Variants in DSCAM observed in about 807,000 individuals in gnomAD.
The protein encoded by DSCAM is DS cell adhesion molecule, also known as cell adhesion molecule DSCAM.
A neutral mutation model predicts 217.7 loss-of-function variants in DSCAM; 47 were observed. The ratio of observed to expected loss-of-function variants is 0.22; its 90% CI spans 0.17 to 0.28. The LOEUF (loss-of-function observed/expected upper bound fraction) is 0.28, where lower values mean the gene tolerates loss of function less well. Ranked by LOEUF, DSCAM falls within the 10% of genes least tolerant of loss-of-function variation. DSCAM has a pLI of 1.00. For synonymous variants in DSCAM, 1,056 were observed against 1,015.3 expected (o/e 1.04, Z -0.76); for missense variants, 2,080 against 2,618.3 (o/e 0.79, Z 4.49).
At chr21:40,156,293 G>C (rs1286079448) in intron 16 of DSCAM, among the ~76,000 whole-genome samples, 3 of 64,170 alleles carry the variant, frequency 4.7e-5, no homozygotes, top group Admixed American at 1.3e-4. Context: ...AAGACAGAGA[G>C]AGAGAGAGAG....
At chr21:40,826,005 C>G (rs376244191) in intron 1 of DSCAM, among the ~76,000 whole-genome samples, 3 of 152,348 alleles carry the variant, frequency 2.0e-5, no homozygotes, top group African/African-American at 7.2e-5. Flanking sequence ...CACCTGCAGC[C>G]TGTTAGTCAC....
intron 3 of DSCAM, among the ~76,000 whole-genome samples, chr21:40,623,347 C>A (rs1162316206): frequency 1.3e-5 from 2 of 152,058 alleles, no homozygotes; most frequent in East Asian, 3.9e-4. Flanking sequence ...GTGCAGTGAA[C>A]TTATTAAGCA....
At chr21:40,118,808 A>G (rs2090001625) in intron 20 of DSCAM, among the ~76,000 whole-genome samples, 1 of 152,208 alleles carries the variant, frequency 6.6e-6, no homozygotes, top group African/African-American at 2.4e-5. Flanking sequence ...TGCTGTGCAC[A>G]TCATTGCTGT....
intron 16 of DSCAM, among the ~76,000 whole-genome samples, chr21:40,155,342 G>T (rs1344574974): frequency 6.6e-6 from 1 of 152,208 alleles, no homozygotes; most frequent in Non-Finnish European, 1.5e-5. Flanking sequence ...GCAAAAGAGG[G>T]GGTATGCTAG....
chr21:40,560,001 G>T (rs555256529), intron 3 of DSCAM, among the ~76,000 whole-genome samples: 21 of 152,128 alleles, frequency 1.4e-4, no homozygotes, highest in Middle Eastern at 3.4e-3. Context: ...CACCGTGTTA[G>T]CCAGGATGGT....
chr21:40,231,975 T>G (rs770963941), intron 11 of DSCAM, among the ~76,000 whole-genome samples: 2 of 152,198 alleles, frequency 1.3e-5, no homozygotes, highest in African/African-American at 2.4e-5. Flanking sequence ...CCCTTGGCAT[T>G]TTAGGTGATT....
chr21:40,059,580 T>C (rs1245102907), intron 28 of DSCAM, among the ~76,000 whole-genome samples: 2 of 152,146 alleles, frequency 1.3e-5, no homozygotes, highest in Non-Finnish European at 2.9e-5. Context: ...CCTCAGCTAA[T>C]CTCCCTGAAA....
At chr21:40,587,549 T>C (rs1332315610) in intron 3 of DSCAM, among the ~76,000 whole-genome samples, 1 of 152,244 alleles carries the variant, frequency 6.6e-6, no homozygotes, top group Non-Finnish European at 1.5e-5. Flanking sequence ...TAAATCCTTC[T>C]CAAATTTTAA....
intron 3 of DSCAM, among the ~76,000 whole-genome samples, chr21:40,466,737 C>T (rs2075848513): frequency 6.6e-6 from 1 of 152,044 alleles, no homozygotes; most frequent in African/African-American, 2.4e-5. Context: ...GCCTTCACTT[C>T]ATTGAGGGTA....
chr21:40,179,462 G>C (rs767367221), intron 14 of DSCAM, among the ~76,000 whole-genome samples: 20 of 152,150 alleles, frequency 1.3e-4, no homozygotes, highest in Non-Finnish European at 2.8e-4. Context: ...GATGGCCACT[G>C]TAAGCACTCA....
intron 8 of DSCAM, among the ~76,000 whole-genome samples, chr21:40,314,424 C>T (rs936967745): frequency 3.9e-5 from 6 of 152,100 alleles, no homozygotes. Flanking sequence ...TGATCTGATG[C>T]TAAGAGATAA....
intron 3 of DSCAM, among the ~76,000 whole-genome samples, chr21:40,440,872 G>A (rs2075624000): frequency 6.6e-6 from 1 of 152,192 alleles, no homozygotes; most frequent in South Asian, 2.1e-4. Context: ...CTTACAGTGT[G>A]TATTAGCTAG....
At chr21:40,242,855 A>G (rs764262431) in intron 11 of DSCAM, among the ~76,000 whole-genome samples, 11 of 152,232 alleles carry the variant, frequency 7.2e-5, no homozygotes, top group Non-Finnish European at 1.5e-4. Context: ...AGAACCCTCT[A>G]TCCTCACTGG....
intron 1 of DSCAM, among the ~76,000 whole-genome samples, chr21:40,758,756 G>T (rs1282732380): frequency 6.6e-6 from 1 of 151,908 alleles, no homozygotes; most frequent in Non-Finnish European, 1.5e-5. Context: ...CTCCTAAAAG[G>T]GCCTCTAGCC....
intron 3 of DSCAM, among the ~76,000 whole-genome samples, chr21:40,500,120 A>G (rs2076159520): frequency 6.6e-6 from 1 of 152,184 alleles, no homozygotes; most frequent in Non-Finnish European, 1.5e-5. Context: ...CTTCAGCAGT[A>G]CTGGGAGGGA....
chr21:40,274,342 T>G (rs1246646572), intron 11 of DSCAM, among the ~76,000 whole-genome samples: 3 of 152,226 alleles, frequency 2.0e-5, no homozygotes, highest in African/African-American at 7.2e-5. Context: ...CTCTTCACCC[T>G]GCATTGTAAT....
At chr21:40,628,814 C>G (rs575269140) in intron 3 of DSCAM, among the ~76,000 whole-genome samples, 4 of 152,142 alleles carry the variant, frequency 2.6e-5, no homozygotes, top group African/African-American at 9.7e-5. Context: ...GTGGTGCGAT[C>G]TCAGCTCACT....
At chr21:40,240,795 C>T (rs1029983660) in intron 11 of DSCAM, among the ~76,000 whole-genome samples, 1 of 152,172 alleles carries the variant, frequency 6.6e-6, no homozygotes, top group African/African-American at 2.4e-5. Flanking sequence ...CACTGATCCC[C>T]TTGTAACAGG....
At chr21:40,189,940 G>A (rs1390652796) in intron 11 of DSCAM, among the ~76,000 whole-genome samples, 1 of 152,130 alleles carries the variant, frequency 6.6e-6, no homozygotes, top group Admixed American at 6.5e-5. Context: ...TATAAACAAT[G>A]GGGATAAAAC....
Sources: allele counts gnomAD v4.1 joint callset (sites outside exome capture counted in the v4.1 genomes callset), GRCh38; gene constraint gnomAD v4.1.1; transcripts MANE v1.5; gene names NCBI Gene and HGNC (gene_info 2026-07-23, HGNC 2026-07-21).